The following NBAS variants were observed in gnomAD, a reference collection of about 807,000 sequenced individuals.
NBAS encodes the protein NAG/BC035112 fusion.
In NBAS, 219 loss-of-function variants were observed where a neutral mutation model predicts 302.5. The ratio of observed to expected loss-of-function variants is 0.72; its 90% confidence interval spans 0.65 to 0.81. The LOEUF (loss-of-function observed/expected upper bound fraction) is 0.81, where lower values mean the gene tolerates loss of function less well. Ranked by LOEUF, NBAS falls within the 30% of genes least tolerant of loss-of-function variation. The pLI is 0.00. For synonymous variants in NBAS, 1,118 were observed against 1,021.6 expected (o/e 1.09, Z -1.80); for missense variants, 2,932 against 2,841.6 (o/e 1.03, Z -0.72).
chr2:15,232,537 C>A, intron 46 of NBAS, 26 bp from the exon 47 acceptor site: 1 of 1,599,698 alleles, frequency 6.3e-7, no homozygotes, highest in South Asian at 1.1e-5. Flanking sequence ...TAAACTGATT[C>A]AGAAAAGGAT....
chr2:15,374,239 C>A (rs1461146863), intron 31 of NBAS, among the ~76,000 whole-genome samples: 1 of 152,054 alleles, frequency 6.6e-6, no homozygotes, highest in African/African-American at 2.4e-5. Context: ...AGTTATTAAT[C>A]TATGCAATGG....
chr2:15,019,077 G>T, the NBAS span, among the ~76,000 whole-genome samples: 1 of 152,294 alleles, frequency 6.6e-6, no homozygotes, highest in Non-Finnish European at 1.5e-5. Flanking sequence ...AAATGGTAAT[G>T]ATTTCATTAA....
the NBAS span, among the ~76,000 whole-genome samples, chr2:14,832,447 G>A: frequency 6.6e-6 from 1 of 152,288 alleles, no homozygotes; most frequent in East Asian, 1.9e-4. Context: ...AATAGTGGGA[G>A]AAAGAAGTAT....
the NBAS span, among the ~76,000 whole-genome samples, chr2:14,854,558 A>G: frequency 1.5e-4 from 23 of 151,824 alleles, no homozygotes; most frequent in Non-Finnish European, 1.5e-5. Flanking sequence ...AAAAAAGTCC[A>G]GAAATTGCAG....
rs754133446 is a variant in NBAS, at chr2:15,374,720, C to T, written c.3591G>A (p.Arg1197=). 1.4e-5 allele frequency: 22 copies of T among 1,612,122 alleles called. No individual in the cohort carries two copies. The highest frequency in any genetic ancestry group is 1.8e-5 in the Non-Finnish European group (21 of 1,178,450). ...NLTDSCMDLA[R]CCLQLITDRP... is the part of the protein sequence containing the mutation. ...TGTCTGTTATCAGTTGTAAGCAGCACCTAGAAGAAATTAGATAAATTTTTA... is the reference window on the plus strand; with the variant it reads ...TGTCTGTTATCAGTTGTAAGCAGCATCTAGAAGAAATTAGATAAATTTTTA... The change falls in exon 31 of 52, where the codon AGG becomes AGA. Residue 1197 remains arginine (R), a splice_region_variant and synonymous_variant. Transcript: ENST00000281513.
chr2:15,457,169 G>A (rs576460339), intron 21 of NBAS, among the ~76,000 whole-genome samples: 1 of 152,304 alleles, frequency 6.6e-6, no homozygotes, highest in Non-Finnish European at 1.5e-5. Context: ...CCTAACAGCT[G>A]GCTGAAGACT....
chr2:15,328,133 T>A, intron 37 of NBAS, 66 bp downstream of exon 37: 3 of 1,485,672 alleles, frequency 2.0e-6, no homozygotes, highest in Non-Finnish European at 2.8e-6. Context: ...AAAATTTTAG[T>A]TTTTGTTTCT....
the NBAS span, among the ~76,000 whole-genome samples, chr2:14,830,052 T>C: frequency 6.6e-6 from 1 of 152,194 alleles, no homozygotes; most frequent in East Asian, 1.9e-4. Flanking sequence ...CTCAGCTGCA[T>C]CATCTGGGAT....
At chr2:15,358,912 T>G (rs941187411) in intron 32 of NBAS, among the ~76,000 whole-genome samples, 1 of 152,202 alleles carries the variant, frequency 6.6e-6, no homozygotes, top group Admixed American at 6.5e-5. Flanking sequence ...AGTTCTGGCA[T>G]GCGGGTTATT....
chr2:15,147,517 C>T, the NBAS span, among the ~76,000 whole-genome samples: 47 of 151,948 alleles, frequency 3.1e-4, no homozygotes, highest in Non-Finnish European at 3.2e-4. Context: ...CGCTTGAATC[C>T]GGAGGTGGAG....
intron 44 of NBAS, among the ~76,000 whole-genome samples, chr2:15,243,481 C>A (rs542318667): frequency 6.6e-6 from 1 of 151,908 alleles, no homozygotes; most frequent in African/African-American, 2.4e-5. Context: ...GAGAGACTAT[C>A]TACCGAAAGC....
intron 30 of NBAS, 43 bp from the exon 31 acceptor site, chr2:15,374,763 T>G: frequency 6.8e-7 from 1 of 1,470,092 alleles, no homozygotes; most frequent in Non-Finnish European, 9.5e-7. Flanking sequence ...GCAACATATG[T>G]TCACCTTTCT....
At chr2:14,795,862 G>A in the NBAS span, among the ~76,000 whole-genome samples, 29 of 152,280 alleles carry the variant, frequency 1.9e-4, no homozygotes, top group East Asian at 9.6e-4. Context: ...ATCTCCTGGC[G>A]TGGAGGACAA....
At chr2:15,366,813 G>T in intron 31 of NBAS, 120 bp from the exon 32 acceptor site, 1 of 879,014 alleles carries the variant, frequency 1.1e-6, no homozygotes, top group Non-Finnish European at 1.9e-6. Context: ...AGATGAAGGA[G>T]AATTAAGTAA....
chr2:15,223,218 C>T lies in NBAS; in HGVS notation c.6237-4250G>A, dbSNP rs183482144. 1.5e-4 allele frequency among the ~76,000 whole-genome samples: 23 copies of T among 152,210 alleles called. No homozygotes were observed. In the East Asian group the frequency reaches 1.7e-3, roughly 11 times the overall value. ...TTCTTAAAATTCACAGTCACTCTTA[C>T]GGTTCAGCAAATATACAAACACATA... On this transcript the variant is annotated intron_variant, in intron 47 of 51. Transcript: ENST00000281513.
intron 47 of NBAS, among the ~76,000 whole-genome samples, chr2:15,222,460 G>A (rs1263457707): frequency 6.6e-6 from 1 of 152,162 alleles, no homozygotes; most frequent in Non-Finnish European, 1.5e-5. Flanking sequence ...CAAGCTGGAA[G>A]TTATAATAAT....
chr2:15,350,380 A>G (rs1673294757), intron 35 of NBAS, among the ~76,000 whole-genome samples: 1 of 152,222 alleles, frequency 6.6e-6, no homozygotes, highest in Non-Finnish European at 1.5e-5. Flanking sequence ...GAAGCTTACC[A>G]TTTGATGGAA....
At chr2:15,254,811 T>C (rs1668517772) in intron 44 of NBAS, among the ~76,000 whole-genome samples, 1 of 152,216 alleles carries the variant, frequency 6.6e-6, no homozygotes, top group Non-Finnish European at 1.5e-5. Flanking sequence ...TTTCCACTCC[T>C]GAGTTACTTA....
the NBAS span, among the ~76,000 whole-genome samples, chr2:14,823,145 CAA>C: frequency 2.6e-5 from 4 of 152,184 alleles, no homozygotes; most frequent in Non-Finnish European, 5.9e-5. Flanking sequence ...TCGATTTAAG[CAA>C]AGTGTGTTTT....
Sources: allele counts gnomAD v4.1 joint callset (sites outside exome capture counted in the v4.1 genomes callset), GRCh38; gene constraint gnomAD v4.1.1; transcripts MANE v1.5; gene names NCBI Gene and HGNC (gene_info 2026-07-23, HGNC 2026-07-21).